The following FBLN7 variants were observed in gnomAD, a reference collection of about 807,000 sequenced individuals.
FBLN7 encodes the protein fibulin-7.
FBLN7 carries 31 observed loss-of-function variants against 44.0 expected under a neutral mutation model. The ratio of observed to expected loss-of-function variants is 0.70; its 90% CI spans 0.53 to 0.95. The LOEUF is 0.95. FBLN7 is among the 40% of genes least tolerant of loss of function. The pLI is 0.00. For synonymous variants in FBLN7, 262 were observed against 253.4 expected (o/e 1.03, Z -0.32); for missense variants, 573 against 618.5 (o/e 0.93, Z 0.78).
At chr2:112,207,754 T>C in the FBLN7 span, among the ~76,000 whole-genome samples, 1 of 152,366 alleles carries the variant, frequency 6.6e-6, no homozygotes, top group East Asian at 1.9e-4. Context: ...CCCCTTTTGT[T>C]ATTATGCAGT....
chr2:112,230,753 T>C, the FBLN7 span: 1 of 413,744 alleles, frequency 2.4e-6, no homozygotes, highest in African/African-American at 2.2e-5. Context: ...TCCATATAGG[T>C]ATGTAAATAT....
chr2:112,211,431 A>C, the FBLN7 span: 1 of 152,202 alleles, frequency 6.6e-6, no homozygotes. Flanking sequence ...CTGCCTACAG[A>C]AAGGAGAGGG....
chr2:112,233,141 T>C, the FBLN7 span: 2 of 594,708 alleles, frequency 3.4e-6, no homozygotes, highest in East Asian at 3.3e-5. Flanking sequence ...TGATACTAAG[T>C]TGGGCTTGGA....
At chr2:112,233,407 T>G in the FBLN7 span, 16 of 1,341,392 alleles carry the variant, frequency 1.2e-5, no homozygotes, top group East Asian at 3.6e-4. Context: ...AAGCCATTAT[T>G]TCTCATAGTC....
At chr2:112,155,822 G>A (rs1160631753) in intron 1 of FBLN7, among the ~76,000 whole-genome samples, 6 of 152,142 alleles carry the variant, frequency 3.9e-5, no homozygotes, top group Admixed American at 6.6e-5. Context: ...CCAAGTAGAA[G>A]ACAAGACCCT....
At chr2:112,145,553 A>G (rs1680863058) in intron 1 of FBLN7, among the ~76,000 whole-genome samples, 2 of 152,214 alleles carry the variant, frequency 1.3e-5, no homozygotes, top group Non-Finnish European at 2.9e-5. Context: ...AAAATTTTAA[A>G]TTTTAATGAA....
the FBLN7 span, chr2:112,212,208 C>G: frequency 1.3e-5 from 2 of 152,202 alleles, no homozygotes; most frequent in African/African-American, 4.8e-5. Context: ...CCCAGGGCCT[C>G]TTTTATAAGG....
chr2:112,209,463 T>A, the FBLN7 span, among the ~76,000 whole-genome samples: 2 of 152,166 alleles, frequency 1.3e-5, no homozygotes, highest in Non-Finnish European at 2.9e-5. Context: ...TAGGCTTACT[T>A]TGACAATTAG....
chr2:112,220,405 T>A, the FBLN7 span, among the ~76,000 whole-genome samples: 1 of 152,230 alleles, frequency 6.6e-6, no homozygotes, highest in Non-Finnish European at 1.5e-5. Flanking sequence ...CCTTTGCTTA[T>A]GAAACTTAGT....
the FBLN7 span, among the ~76,000 whole-genome samples, chr2:112,210,850 G>A: frequency 3.7e-4 from 56 of 152,212 alleles, no homozygotes; most frequent in South Asian, 0.011. Flanking sequence ...CAGTAGTAAT[G>A]AACACATCTA....
At chr2:112,172,567 C>T (rs1479771792) in intron 3 of FBLN7, among the ~76,000 whole-genome samples, 2 of 151,388 alleles carry the variant, frequency 1.3e-5, no homozygotes, top group African/African-American at 4.9e-5. Context: ...GGATCTGTCT[C>T]AGTGCCAGCC....
At chr2:112,164,900 C>T in intron 2 of FBLN7, 101 bp from the exon 3 acceptor site, 1 of 1,313,940 alleles carries the variant, frequency 7.6e-7, no homozygotes, top group Non-Finnish European at 1.1e-6. Context: ...AGCAGGCATG[C>T]AACAGAGGGC....
rs3215304 is a variant in FBLN7 at position 112,187,707 on chromosome 2, C to CT, written c.*212dup. ...ACAAAACTCAACTGCTGCCATCACTCTTTTTTTTTTTCTGCTTTGAGGCCC... is the reference window on the plus strand; with the variant it reads ...ACAAAACTCAACTGCTGCCATCACTCTTTTTTTTTTTTCTGCTTTGAGGCCC... On this transcript the variant is annotated 3_prime_UTR_variant, in exon 8 of 8. Coordinates refer to ENST00000331203, the MANE Select transcript of FBLN7 (RefSeq NM_153214.3). This position sits in a 1 kb window ranked among gnomAD's most constrained non-coding sequence, Gnocchi z 5.1. The CT allele has an allele frequency of 0.054, 22,839 of 423,858 alleles. No homozygotes were observed. The highest frequency in any genetic ancestry group is 0.082 in the South Asian group (2,581 of 31,602). The allele number at this position is 423,858 out of a possible 1,614,324, so 26.3% of individuals were successfully genotyped here.
chr2:112,182,027 T>A (rs1351200309), intron 5 of FBLN7, 151 bp downstream of exon 5: 1 of 953,150 alleles, frequency 1.0e-6, no homozygotes, highest in East Asian at 3.2e-5. Context: ...AGGTAAGTGT[T>A]GACCTAGTGA....
the FBLN7 span, chr2:112,236,820 G>A: frequency 1.1e-6 from 1 of 890,426 alleles, no homozygotes; most frequent in East Asian, 2.6e-5. Flanking sequence ...GCTGAGGCAG[G>A]AGGACTGCTC....
the FBLN7 span, among the ~76,000 whole-genome samples, chr2:112,242,672 T>C: frequency 6.6e-6 from 1 of 152,208 alleles, no homozygotes; most frequent in Non-Finnish European, 1.5e-5. Flanking sequence ...AATACTACAG[T>C]AGTGCTAAAA....
intron 5 of FBLN7, 97 bp downstream of exon 5, chr2:112,181,973 G>A: frequency 7.1e-7 from 1 of 1,415,354 alleles, no homozygotes; most frequent in Non-Finnish European, 9.2e-7. Flanking sequence ...GGCACGGGTG[G>A]CTTCCTGCGC....
intron 1 of FBLN7, among the ~76,000 whole-genome samples, chr2:112,145,783 T>C (rs1680873539): frequency 6.6e-6 from 1 of 152,222 alleles, no homozygotes; most frequent in Non-Finnish European, 1.5e-5. Flanking sequence ...ATACCATTTG[T>C]TGTTGAAAGA....
intron 1 of FBLN7, among the ~76,000 whole-genome samples, chr2:112,144,872 A>G (rs1680832361): frequency 6.6e-6 from 1 of 152,188 alleles, no homozygotes; most frequent in African/African-American, 2.4e-5. Context: ...CCGTGGTGTC[A>G]TTCCAGTTTT....
Sources: gnomAD v4.1 joint callset for allele counts (sites outside exome capture counted in the v4.1 genomes callset) on GRCh38, gnomAD v4.1.1 for gene constraint, Gnocchi (gnomAD v3.1) non-coding constraint, MANE v1.5 for transcripts, NCBI Gene and HGNC (gene_info 2026-07-23, HGNC 2026-07-21) for gene names.